The following BPTF variants were observed in gnomAD, a reference collection of about 807,000 sequenced individuals.
The protein encoded by BPTF is nucleosome-remodeling factor subunit BPTF.
Under a neutral mutation model 292.5 loss-of-function variants are expected in BPTF, and 18 were observed. The ratio of observed to expected loss-of-function variants is 0.06; its 90% CI spans 0.04 to 0.09. The LOEUF (loss-of-function observed/expected upper bound fraction) is 0.09, where lower values mean the gene tolerates loss of function less well. BPTF is among the 10% of genes least tolerant of loss of function. BPTF has a pLI of 1.00. For synonymous variants in BPTF, 1,225 were observed against 1,251.9 expected (o/e 0.98, Z 0.45); for missense variants, 2,726 against 3,498.7 (o/e 0.78, Z 5.57).
intron 1 of BPTF, among the ~76,000 whole-genome samples, chr17:67,831,839 T>C (rs1418339435): frequency 2.0e-5 from 3 of 152,186 alleles, no homozygotes; most frequent in Non-Finnish European, 4.4e-5. Flanking sequence ...GAGTGCCTGC[T>C]TACGGTGGTT....
At chr17:67,899,861 G>A (rs1288996242) in intron 7 of BPTF, among the ~76,000 whole-genome samples, 1 of 152,028 alleles carries the variant, frequency 6.6e-6, no homozygotes, top group Non-Finnish European at 1.5e-5. Context: ...AACTTATACA[G>A]TTTGGGATGC....
At chr17:67,869,408 A>G (rs2059576784) in intron 3 of BPTF, among the ~76,000 whole-genome samples, 1 of 152,170 alleles carries the variant, frequency 6.6e-6, no homozygotes, top group Non-Finnish European at 1.5e-5. Flanking sequence ...GAATGTAAAA[A>G]CCTAAAAATG....
At chr17:67,963,834 G>A (rs1555685315) in intron 24 of BPTF, among the ~76,000 whole-genome samples, 1 of 152,122 alleles carries the variant, frequency 6.6e-6, no homozygotes, top group Non-Finnish European at 1.5e-5. Flanking sequence ...TTTATTGTAG[G>A]TTAGAAAAAC....
intron 17 of BPTF, among the ~76,000 whole-genome samples, chr17:67,930,399 A>G (rs925902341): frequency 2.0e-5 from 3 of 151,536 alleles, no homozygotes; most frequent in African/African-American, 7.3e-5. Flanking sequence ...GGGTTTTACC[A>G]TGTTGGTCAG....
At chr17:67,920,237 T>G (rs1364882968) in intron 13 of BPTF, 94 bp downstream of exon 13, 1 of 1,404,042 alleles carries the variant, frequency 7.1e-7, no homozygotes, top group African/African-American at 1.5e-5. Flanking sequence ...TCTGTTCACC[T>G]TTTAAAAAAG....
In BPTF at chr17:67,920,133, A is replaced by G. The variant is rs538679564; in HGVS notation, c.5547A>G (p.Glu1849=). ...RKIICPIGVP[E]TPKETPTPQR... ...TCATTTGTCCCATTGGAGTTCCAGAAACACCAAAAGGTAAGAAATAGAATT... is the reference window on the plus strand; with the variant it reads ...TCATTTGTCCCATTGGAGTTCCAGAGACACCAAAAGGTAAGAAATAGAATT... Residue 1849 remains glutamate, a synonymous_variant, in exon 13 of 28, where the codon GAA becomes GAG. Coordinates refer to ENST00000306378, the MANE Select transcript of BPTF (RefSeq NM_182641.4). The G allele has an allele frequency of 5.0e-6, 8 of 1,611,794 alleles. No homozygotes were observed. In the Admixed American group the frequency reaches 1.2e-4, roughly 24 times the overall value.
At chr17:67,967,577 T>C (rs1486515779) in intron 26 of BPTF, among the ~76,000 whole-genome samples, 2 of 151,948 alleles carry the variant, frequency 1.3e-5, no homozygotes, top group African/African-American at 4.8e-5. Context: ...TCCCAGCACT[T>C]CCGGAGGCCA....
intron 7 of BPTF, among the ~76,000 whole-genome samples, chr17:67,902,911 G>C (rs915128810): frequency 6.6e-6 from 1 of 152,192 alleles, no homozygotes; most frequent in Non-Finnish European, 1.5e-5. Context: ...AGAGACAAGA[G>C]CTCCTTTCTT....
chr17:67,898,664 T>C (rs2061611743), intron 7 of BPTF, among the ~76,000 whole-genome samples: 2 of 149,796 alleles, frequency 1.3e-5, no homozygotes, highest in South Asian at 4.2e-4. Context: ...ATGAAGTCTT[T>C]TTTTTTTTTT....
At chr17:67,901,921 A>G (rs1368817024) in intron 7 of BPTF, among the ~76,000 whole-genome samples, 3 of 152,234 alleles carry the variant, frequency 2.0e-5, no homozygotes, top group Non-Finnish European at 2.9e-5. Flanking sequence ...AAGACATAAA[A>G]TATTGTTTGT....
intron 1 of BPTF, among the ~76,000 whole-genome samples, chr17:67,846,070 G>T (rs7223930): frequency 1.3e-5 from 2 of 151,948 alleles, no homozygotes; most frequent in African/African-American, 4.8e-5. Flanking sequence ...TGAATATAGG[G>T]TAACATTCAC....
chr17:67,847,674 CAAAA>C (rs543574039), intron 1 of BPTF, among the ~76,000 whole-genome samples: 1 of 52,966 alleles, frequency 1.9e-5, no homozygotes. Flanking sequence ...GACTCCGTCT[CAAAA>C]AAAAAAAAAA....
chr17:67,875,667 G>A, intron 4 of BPTF: 1 of 1,607,428 alleles, frequency 6.2e-7, no homozygotes, highest in Non-Finnish European at 8.5e-7. Flanking sequence ...AGCCCTGTGG[G>A]GTGTCTCTCA....
rs553583773 is a variant in BPTF at position 67,929,539 on chromosome 17, A to G, written c.6150+52A>G. The G allele has an allele frequency of 2.5e-5, 39 of 1,558,598 alleles. No individual in the cohort carries two copies. In the East Asian group the frequency reaches 8.5e-4, roughly 34 times the overall value. ...TTTGATGTGTTGAGCACATCACATT[A>G]TTTTTAGAATGACTTCTTCCAAGAT... On this transcript the variant is annotated intron_variant, in intron 17 of 27. Transcript: ENST00000306378.
In BPTF at chr17:67,912,797, C is replaced by T. The variant is rs1318689271; in HGVS notation, c.4913C>T (p.Pro1638Leu). Reference protein sequence around the residue: ...TTTTVTKLSTPSTGGSVDIIS... With the variant: ...TTTTVTKLSTLSTGGSVDIIS... ...ACAACAGTGACCAAGCTTTCCACACCCTCCACAGGCGGCAGTGTGGACATC... is the reference window on the plus strand; with the variant it reads ...ACAACAGTGACCAAGCTTTCCACACTCTCCACAGGCGGCAGTGTGGACATC... Residue 1638 changes from proline (P) to leucine (L), a missense_variant, in exon 11 of 28, where the codon CCC (proline) becomes CTC (leucine). Physicochemically the swap from Pro to Leu is moderately conservative, Grantham distance 98. Around this residue, in one of 22 missense-constraint regions of BPTF, gnomAD observed 144 missense variants for 177.2 expected, o/e 0.81. Coordinates refer to ENST00000306378, the MANE Select transcript of BPTF (RefSeq NM_182641.4). The T allele has an allele frequency of 1.2e-6, 2 of 1,614,088 alleles. No individual in the cohort carries two copies. Among genetic ancestry groups the T allele is most frequent in the East Asian group, 2.2e-5 (1 of 44,872 alleles).
intron 7 of BPTF, among the ~76,000 whole-genome samples, chr17:67,901,423 T>C (rs2061836108): frequency 6.6e-6 from 1 of 152,108 alleles, no homozygotes; most frequent in Non-Finnish European, 1.5e-5. Context: ...CCAGATGCCA[T>C]AGAGGAAAAA....
intron 22 of BPTF, 57 bp downstream of exon 22, chr17:67,947,865 G>T (rs376881244): frequency 1.4e-6 from 2 of 1,476,032 alleles, no homozygotes; most frequent in Non-Finnish European, 1.8e-6. Context: ...TCGTGCACAC[G>T]CACAGAGTTC....
chr17:67,849,190 A>G (rs1271929610), intron 1 of BPTF, among the ~76,000 whole-genome samples: 1 of 152,204 alleles, frequency 6.6e-6, no homozygotes, highest in Non-Finnish European at 1.5e-5. Context: ...AAGGATAAAA[A>G]TATAGATTAC....
intron 24 of BPTF, among the ~76,000 whole-genome samples, chr17:67,961,649 C>G (rs367768976): frequency 2.6e-5 from 4 of 151,988 alleles, no homozygotes; most frequent in Admixed American, 6.6e-5. Flanking sequence ...GTGTTTGAGA[C>G]CAGTCTGGGC....
Sources: gnomAD v4.1 joint callset for allele counts (sites outside exome capture counted in the v4.1 genomes callset) on GRCh38, gnomAD v4.1.1 for gene constraint, gnomAD v4.1.1 regional missense constraint, MANE v1.5 for transcripts, NCBI Gene and HGNC (gene_info 2026-07-23, HGNC 2026-07-21) for gene names.